Variants in ORC5 observed in about 807,000 individuals in gnomAD.
ORC5 encodes the protein protein phosphatase 1, regulatory subunit 117.
In ORC5, 39 loss-of-function variants were observed where a neutral mutation model predicts 58.8. That is an observed-to-expected ratio of 0.66 (90% CI 0.51 to 0.87). ORC5 has a LOEUF of 0.87. ORC5 is among the 40% of genes least tolerant of loss of function. ORC5 has a pLI of 0.00. For missense variants in ORC5, 493 were observed against 506.3 expected, an observed-to-expected ratio of 0.97 and a Z score of 0.25; for synonymous variants, 218 against 177.6, an observed-to-expected ratio of 1.23 and a Z score of -1.81.
chr7:104,175,873 A>AT (rs540381202), intron 8 of ORC5, among the ~76,000 whole-genome samples: 2 of 152,314 alleles, frequency 1.3e-5, no homozygotes, highest in Middle Eastern at 6.8e-3. Flanking sequence ...ATACTTGGAG[A>AT]TTTTTTTCTT....
At chr7:104,185,866 A>G (rs1038761170) in intron 6 of ORC5, among the ~76,000 whole-genome samples, 3 of 151,992 alleles carry the variant, frequency 2.0e-5, no homozygotes, top group Non-Finnish European at 4.4e-5. Context: ...ACAGAAAAAG[A>G]TATATATAAA....
chr7:104,162,115 A>C (rs997676696), intron 11 of ORC5, among the ~76,000 whole-genome samples: 5 of 152,260 alleles, frequency 3.3e-5, no homozygotes, highest in Admixed American at 1.3e-4. Context: ...TCATGTCATC[A>C]GAAACGAGAC....
chr7:104,146,075 C>T lies in ORC5; in HGVS notation c.1150-9182G>A, dbSNP rs928862133. 5.3e-5 allele frequency among the ~76,000 whole-genome samples: 8 copies of T among 152,176 alleles called. No individual in the cohort carries two copies. In the East Asian group the frequency reaches 7.7e-4, roughly 15 times the overall value. Reference sequence around the variant, plus strand: ...AAAGGAAATAATAAAAGTGAAAGAACGAACAGTGGAAAGAGGAGATTTGTG... The same window carrying T: ...AAAGGAAATAATAAAAGTGAAAGAATGAACAGTGGAAAGAGGAGATTTGTG... On this transcript the variant is annotated intron_variant, in intron 12 of 13. Transcript: ENST00000297431.
At chr7:104,128,727 C>T (rs942652558) in intron 13 of ORC5, among the ~76,000 whole-genome samples, 6 of 135,996 alleles carry the variant, frequency 4.4e-5, no homozygotes, top group Non-Finnish European at 6.2e-5. Flanking sequence ...TTCCTGTGTC[C>T]GTGTGTTCTC....
At chr7:104,202,099 C>CA (rs1402280376) in intron 2 of ORC5, among the ~76,000 whole-genome samples, 2 of 133,898 alleles carry the variant, frequency 1.5e-5, no homozygotes, top group Non-Finnish European at 3.2e-5. Context: ...AAAAACAAAA[C>CA]AAAACAAAAA....
chr7:104,192,321 A>G (rs1382487431), intron 5 of ORC5, among the ~76,000 whole-genome samples: 1 of 152,182 alleles, frequency 6.6e-6, no homozygotes. Flanking sequence ...AACAACTTTT[A>G]GGGAAAAAAC....
intron 12 of ORC5, among the ~76,000 whole-genome samples, chr7:104,152,027 A>C (rs746946741): frequency 6.1e-4 from 93 of 152,166 alleles, no homozygotes; most frequent in Non-Finnish European, 1.1e-3. Flanking sequence ...ATGTCTATAG[A>C]TGGGCAGGTG....
chr7:104,135,323 G>T (rs569879803), intron 13 of ORC5, among the ~76,000 whole-genome samples: 47 of 152,166 alleles, frequency 3.1e-4, no homozygotes, highest in African/African-American at 9.4e-4. Flanking sequence ...TAAAAAATAA[G>T]TTTCTGCTCA....
chr7:104,161,471 T>TC (rs1273632814), intron 11 of ORC5, among the ~76,000 whole-genome samples: 1 of 151,798 alleles, frequency 6.6e-6, no homozygotes, highest in Non-Finnish European at 1.5e-5. Context: ...GCTCAAGCCA[T>TC]CCTCCTATGT....
intron 5 of ORC5, among the ~76,000 whole-genome samples, chr7:104,190,782 G>C (rs145669190): frequency 1.3e-5 from 2 of 151,828 alleles, no homozygotes; most frequent in East Asian, 3.9e-4. Flanking sequence ...AAATTACAAG[G>C]AAAAACTCTT....
At chr7:104,186,561 C>T (rs1562824014) in intron 6 of ORC5, among the ~76,000 whole-genome samples, 1 of 152,040 alleles carries the variant, frequency 6.6e-6, no homozygotes, top group Non-Finnish European at 1.5e-5. Context: ...CTTAAGCTAC[C>T]TATAGAACTA....
At chr7:104,152,325 G>A (rs1481076103) in intron 12 of ORC5, among the ~76,000 whole-genome samples, 1 of 151,946 alleles carries the variant, frequency 6.6e-6, no homozygotes, top group African/African-American at 2.4e-5. Context: ...TTTATTTATT[G>A]TAGATACAGG....
intron 12 of ORC5, among the ~76,000 whole-genome samples, chr7:104,154,166 C>T (rs1384922114): frequency 6.6e-6 from 1 of 152,048 alleles, no homozygotes; most frequent in Non-Finnish European, 1.5e-5. Flanking sequence ...ATACAATATA[C>T]TGATTACTTC....
intron 5 of ORC5, among the ~76,000 whole-genome samples, chr7:104,190,991 A>G (rs1032111317): frequency 6.6e-6 from 1 of 151,652 alleles, no homozygotes; most frequent in African/African-American, 2.4e-5. Context: ...TAGCTCTATT[A>G]AGGAATATTT....
chr7:104,152,327 A>G (rs1187810528), intron 12 of ORC5, among the ~76,000 whole-genome samples: 1 of 151,984 alleles, frequency 6.6e-6, no homozygotes, highest in Non-Finnish European at 1.5e-5. Flanking sequence ...TATTTATTGT[A>G]GATACAGGGT....
intron 13 of ORC5, among the ~76,000 whole-genome samples, chr7:104,132,036 A>G (rs1404247178): frequency 2.0e-5 from 3 of 152,264 alleles, no homozygotes; most frequent in Admixed American, 1.3e-4. Flanking sequence ...CAACACAATA[A>G]ATGTTAAATA....
At chr7:104,175,326 TCTAC>T (rs1799300468) in intron 8 of ORC5, among the ~76,000 whole-genome samples, 1 of 152,222 alleles carries the variant, frequency 6.6e-6, no homozygotes, top group Admixed American at 6.5e-5. Context: ...TTCTAATTTC[TCTAC>T]CTCTCTATTT....
intron 5 of ORC5, among the ~76,000 whole-genome samples, chr7:104,193,122 A>G (rs1326450340): frequency 6.6e-6 from 1 of 152,108 alleles, no homozygotes; most frequent in Non-Finnish European, 1.5e-5. Flanking sequence ...CCACAGACTT[A>G]AGAACTCAAC....
chr7:104,139,785 T>C (rs747354784), intron 12 of ORC5, among the ~76,000 whole-genome samples: 1 of 152,056 alleles, frequency 6.6e-6, no homozygotes, highest in Non-Finnish European at 1.5e-5. Context: ...TACATGTCTA[T>C]TGCTTTGTTA....
Sources: allele counts gnomAD v4.1 joint callset (sites outside exome capture counted in the v4.1 genomes callset), GRCh38; gene constraint gnomAD v4.1.1; transcripts MANE v1.5; gene names NCBI Gene and HGNC (gene_info 2026-07-23, HGNC 2026-07-21).